DLC1: variants seen among roughly 807,000 people sequenced by gnomAD.
DLC1 encodes DLC1 Rho GTPase activating protein, also known as rho GTPase-activating protein 7.
In DLC1, 54 loss-of-function variants were observed where a neutral mutation model predicts 140.3. The observed-to-expected ratio is 0.38, with a 90% confidence interval of 0.31 to 0.48. The LOEUF is 0.48. Ranked by LOEUF, DLC1 falls within the 20% of genes least tolerant of loss-of-function variation. DLC1 has a pLI of 0.96. For missense variants in DLC1, 2,536 were observed against 1,907.0 expected (o/e 1.33, Z -6.14); for synonymous variants, 986 against 728.1 (o/e 1.35, Z -5.70).
chr8:13,592,578 C>G (rs868582884), intron 1 of DLC1, among the ~76,000 whole-genome samples: 3 of 151,900 alleles, frequency 2.0e-5, no homozygotes, highest in Non-Finnish European at 4.4e-5. Context: ...TAATCCAAAA[C>G]ATATTTTGGT....
chr8:13,573,181 C>T (rs2117419477), intron 1 of DLC1, among the ~76,000 whole-genome samples: 1 of 152,204 alleles, frequency 6.6e-6, no homozygotes, highest in East Asian at 1.9e-4. Flanking sequence ...TTTGTGCCTC[C>T]TTTGTTCAAT....
chr8:13,380,794 G>A (rs891765347), intron 4 of DLC1, among the ~76,000 whole-genome samples: 1 of 152,198 alleles, frequency 6.6e-6, no homozygotes, highest in East Asian at 1.9e-4. Context: ...AGACCAAGCT[G>A]CAGAGCTTGC....
At chr8:13,599,977 A>T (rs1217877756) in intron 1 of DLC1, among the ~76,000 whole-genome samples, 1 of 151,890 alleles carries the variant, frequency 6.6e-6, no homozygotes, top group Non-Finnish European at 1.5e-5. Flanking sequence ...CACCACCTTC[A>T]CCATTATCAA....
intron 5 of DLC1, among the ~76,000 whole-genome samples, chr8:13,280,913 A>G (rs915162676): frequency 1.3e-5 from 2 of 152,256 alleles, no homozygotes; most frequent in African/African-American, 4.8e-5. Flanking sequence ...TGAGTGATCC[A>G]GCCCCTGAAA....
chr8:13,449,369 G>A (rs545831815), intron 2 of DLC1, among the ~76,000 whole-genome samples: 8 of 152,232 alleles, frequency 5.3e-5, no homozygotes, highest in Non-Finnish European at 8.8e-5. Context: ...ATTTCCCAGC[G>A]TCAAATGAGG....
intron 4 of DLC1, among the ~76,000 whole-genome samples, chr8:13,376,164 T>C (rs1325435668): frequency 6.6e-6 from 1 of 152,164 alleles, no homozygotes; most frequent in Non-Finnish European, 1.5e-5. Context: ...TTCTTATGCT[T>C]CATGTCTGTG....
intron 2 of DLC1, among the ~76,000 whole-genome samples, chr8:13,408,789 C>G (rs1281178336): frequency 6.6e-6 from 1 of 152,072 alleles, no homozygotes; most frequent in South Asian, 2.1e-4. Flanking sequence ...TCCTGTGACT[C>G]TTTTTTATTT....
intron 5 of DLC1, among the ~76,000 whole-genome samples, chr8:13,209,551 C>G (rs536442028): frequency 1.3e-5 from 2 of 152,010 alleles, no homozygotes; most frequent in Non-Finnish European, 2.9e-5. Context: ...GGATGTTGTC[C>G]CTGCCCGAAT....
At chr8:13,188,821 A>T (rs1227105475) in intron 5 of DLC1, among the ~76,000 whole-genome samples, 2 of 41,438 alleles carry the variant, frequency 4.8e-5, no homozygotes, top group Non-Finnish European at 9.0e-5. Context: ...ATATATATAT[A>T]TATATGTATA....
At chr8:13,566,876 C>A (rs10095899) in intron 1 of DLC1, 1,303,806 of 1,307,512 alleles carry the variant, frequency 1, 650,142 homozygotes, top group South Asian at 1. Flanking sequence ...CGGAAGACGA[C>A]CTCCGCAGAG....
chr8:13,448,057 T>C (rs1449212535), intron 2 of DLC1, among the ~76,000 whole-genome samples: 4 of 152,170 alleles, frequency 2.6e-5, no homozygotes, highest in Non-Finnish European at 5.9e-5. Context: ...TGTTAATGAC[T>C]TTACTATGCT....
chr8:13,404,313 C>T (rs908730496), intron 2 of DLC1, among the ~76,000 whole-genome samples: 3 of 151,976 alleles, frequency 2.0e-5, no homozygotes, highest in African/African-American at 7.3e-5. Flanking sequence ...CTCCCCTGAC[C>T]CATTTCAAGC....
chr8:13,382,282 C>A (rs926981641), intron 4 of DLC1, among the ~76,000 whole-genome samples: 16 of 151,320 alleles, frequency 1.1e-4, no homozygotes, highest in Non-Finnish European at 2.2e-4. Context: ...CCGAGGCGGG[C>A]GGATCACGAG....
intron 2 of DLC1, among the ~76,000 whole-genome samples, chr8:13,494,820 G>A (rs1438250346): frequency 6.6e-6 from 1 of 151,964 alleles, no homozygotes; most frequent in African/African-American, 2.4e-5. Flanking sequence ...ATGTGAGGGT[G>A]CACTCCTGTA....
At chr8:13,387,090 C>T (rs1192986744) in intron 4 of DLC1, among the ~76,000 whole-genome samples, 6 of 151,964 alleles carry the variant, frequency 3.9e-5, no homozygotes, top group Non-Finnish European at 5.9e-5. Flanking sequence ...GTCTAAACTT[C>T]CCTTAAAAAT....
At chr8:13,240,532 C>T (rs1330278968) in intron 5 of DLC1, among the ~76,000 whole-genome samples, 2 of 152,086 alleles carry the variant, frequency 1.3e-5, no homozygotes, top group Non-Finnish European at 2.9e-5. Context: ...CTCAAGGGAT[C>T]CTCCCACATC....
At chr8:13,486,177 G>T (rs549926505) in intron 2 of DLC1, among the ~76,000 whole-genome samples, 1 of 152,244 alleles carries the variant, frequency 6.6e-6, no homozygotes, top group East Asian at 1.9e-4. Context: ...CGAATGAAAT[G>T]AAAATTCATG....
chr8:13,458,312 C>T (rs1379795366), intron 2 of DLC1, among the ~76,000 whole-genome samples: 1 of 152,138 alleles, frequency 6.6e-6, no homozygotes, highest in Admixed American at 6.5e-5. Context: ...TTTAACCTTG[C>T]TCCATAAATA....
At chr8:13,421,195 T>C (rs1009595167) in intron 2 of DLC1, among the ~76,000 whole-genome samples, 3 of 152,168 alleles carry the variant, frequency 2.0e-5, no homozygotes, top group Admixed American at 2.0e-4. Flanking sequence ...ATTTCTTTCA[T>C]TGAGCTCTTT....
Sources: gnomAD v4.1 joint callset for allele counts (sites outside exome capture counted in the v4.1 genomes callset) on GRCh38, gnomAD v4.1.1 for gene constraint, MANE v1.5 for transcripts, NCBI Gene and HGNC (gene_info 2026-07-23, HGNC 2026-07-21) for gene names.